Variants in PELI2 observed in about 807,000 individuals in gnomAD.
PELI2 encodes pellino E3 ubiquitin protein ligase family member 2.
A neutral mutation model predicts 42.3 loss-of-function variants in PELI2; 23 were observed. The observed-to-expected ratio is 0.54, with a 90% confidence interval of 0.39 to 0.77. PELI2 has a LOEUF of 0.77. Ranked by LOEUF, PELI2 falls within the 30% of genes least tolerant of loss-of-function variation. The pLI is 0.00. For synonymous variants in PELI2, 245 were observed against 212.2 expected (o/e 1.15, Z -1.34); for missense variants, 463 against 553.2 (o/e 0.84, Z 1.64).
At chr14:56,183,122 G>C (rs889785685) in intron 2 of PELI2, among the ~76,000 whole-genome samples, 1 of 152,092 alleles carries the variant, frequency 6.6e-6, no homozygotes, top group Non-Finnish European at 1.5e-5. Context: ...ATACTTAGAA[G>C]TTCAATAATT....
chr14:56,210,023 A>T (rs1374264732), intron 2 of PELI2, among the ~76,000 whole-genome samples: 1 of 152,218 alleles, frequency 6.6e-6, no homozygotes, highest in African/African-American at 2.4e-5. Context: ...TGGGGAAATC[A>T]GGGAAATTTG....
chr14:56,160,959 G>A (rs1173817944), intron 1 of PELI2, among the ~76,000 whole-genome samples: 3 of 152,140 alleles, frequency 2.0e-5, no homozygotes, highest in African/African-American at 7.2e-5. Flanking sequence ...CACAAATGTG[G>A]TGACTTTTAT....
chr14:56,197,886 A>C lies in PELI2; in HGVS notation c.207+19422A>C, dbSNP rs552203613. Among the ~76,000 whole-genome samples, 1 of 150,666 alleles carries C rather than the reference A, an allele frequency of 6.6e-6. No individual in the cohort carries two copies. Among genetic ancestry groups the C allele is most frequent in the African/African-American group, 2.5e-5 (1 of 40,682 alleles). On this transcript the variant is annotated intron_variant, in intron 2 of 5. Coordinates refer to ENST00000267460, the MANE Select transcript of PELI2 (RefSeq NM_021255.3). The surrounding 1 kb of genome is among the most constrained non-coding windows in gnomAD (Gnocchi z 4.9). Reference sequence around the variant, plus strand: ...CCTGTGCACACACACACACATGCAGACACACACACCAGGAATGGTGACTGG... The same window carrying C: ...CCTGTGCACACACACACACATGCAGCCACACACACCAGGAATGGTGACTGG...
chr14:56,208,337 A>T (rs1279333812), intron 2 of PELI2, among the ~76,000 whole-genome samples: 1 of 152,190 alleles, frequency 6.6e-6, no homozygotes, highest in African/African-American at 2.4e-5. Flanking sequence ...ATAAATTTGG[A>T]TGGAGGAGTG....
intron 1 of PELI2, among the ~76,000 whole-genome samples, chr14:56,166,476 A>G (rs562657530): frequency 6.6e-6 from 1 of 152,274 alleles, no homozygotes; most frequent in South Asian, 2.1e-4. Flanking sequence ...TTGTACCTTC[A>G]GGTGATTATC....
chr14:56,282,247 T>A (rs900415404), intron 3 of PELI2, among the ~76,000 whole-genome samples: 2 of 152,110 alleles, frequency 1.3e-5, no homozygotes, highest in Admixed American at 6.5e-5. Context: ...AGAAAAGCTG[T>A]ATATATAGCC....
chr14:56,138,264 T>C (rs1392971032), intron 1 of PELI2, among the ~76,000 whole-genome samples: 1 of 152,142 alleles, frequency 6.6e-6, no homozygotes, highest in Non-Finnish European at 1.5e-5. Flanking sequence ...TCTTTGAAAA[T>C]TGTACATGTA....
intron 4 of PELI2, 48 bp from the exon 5 acceptor site, chr14:56,290,220 T>C (rs1022322129): frequency 7.2e-7 from 1 of 1,397,102 alleles, no homozygotes; most frequent in Non-Finnish European, 9.6e-7. Flanking sequence ...CCTTTCCATT[T>C]CAACATCATC....
At chr14:56,229,106 G>T (rs1183820476) in intron 2 of PELI2, among the ~76,000 whole-genome samples, 2 of 152,210 alleles carry the variant, frequency 1.3e-5, no homozygotes, top group South Asian at 4.1e-4. Context: ...CAGGAAGCTC[G>T]AACTGGGAGG....
At chr14:56,123,304 CT>C (rs1883132060) in intron 1 of PELI2, among the ~76,000 whole-genome samples, 3 of 152,036 alleles carry the variant, frequency 2.0e-5, no homozygotes, top group Admixed American at 2.0e-4. Context: ...TACCCTAACA[CT>C]TTTCCTTTTC....
intron 5 of PELI2, chr14:56,292,923 A>G (rs998041800): frequency 1.7e-5 from 11 of 629,184 alleles, no homozygotes; most frequent in Non-Finnish European, 2.0e-5. Flanking sequence ...TAAATTATAT[A>G]TGAAGTATTT....
At chr14:56,184,891 C>T (rs774781757) in intron 2 of PELI2, among the ~76,000 whole-genome samples, 1 of 151,976 alleles carries the variant, frequency 6.6e-6, no homozygotes, top group Non-Finnish European at 1.5e-5. Flanking sequence ...AAAGATCATA[C>T]CAGTAATTTG....
At chr14:56,286,021 T>C (rs1889633766) in intron 3 of PELI2, among the ~76,000 whole-genome samples, 1 of 152,184 alleles carries the variant, frequency 6.6e-6, no homozygotes, top group Non-Finnish European at 1.5e-5. Context: ...AGATGATCAT[T>C]TCTCAAGTAC....
chr14:56,130,613 A>G (rs763365393), intron 1 of PELI2, among the ~76,000 whole-genome samples: 23 of 152,112 alleles, frequency 1.5e-4, no homozygotes, highest in Non-Finnish European at 3.1e-4. Flanking sequence ...CTTTGCCCAC[A>G]TAAGTATTGT....
chr14:56,274,102 T>G (rs1334422582), intron 2 of PELI2, among the ~76,000 whole-genome samples: 2 of 152,164 alleles, frequency 1.3e-5, no homozygotes, highest in African/African-American at 4.8e-5. Flanking sequence ...TGGCCGAAAG[T>G]GGATACATTT....
chr14:56,289,920 C>A (rs1889772226), intron 4 of PELI2, among the ~76,000 whole-genome samples: 1 of 152,126 alleles, frequency 6.6e-6, no homozygotes. Flanking sequence ...AGGAGCATGG[C>A]ATAAGTATAA....
chr14:56,245,576 G>C (rs1888122560), intron 2 of PELI2, among the ~76,000 whole-genome samples: 1 of 152,048 alleles, frequency 6.6e-6, no homozygotes, highest in Non-Finnish European at 1.5e-5. Context: ...ATTCTGGCCT[G>C]GTGTTTATGT....
intron 2 of PELI2, among the ~76,000 whole-genome samples, chr14:56,203,452 A>AGTGT (rs148938211): frequency 6.6e-6 from 1 of 151,336 alleles, no homozygotes; most frequent in African/African-American, 2.4e-5. Flanking sequence ...CACACATACT[A>AGTGT]GTGTGTGTGT....
chr14:56,242,615 C>G (rs1888014525), intron 2 of PELI2, among the ~76,000 whole-genome samples: 1 of 152,126 alleles, frequency 6.6e-6, no homozygotes, highest in East Asian at 1.9e-4. Flanking sequence ...GTCCATCAGT[C>G]AGTGAGTGGA....
Sources: gnomAD v4.1 joint callset for allele counts (sites outside exome capture counted in the v4.1 genomes callset) on GRCh38, gnomAD v4.1.1 for gene constraint, Gnocchi (gnomAD v3.1) non-coding constraint, MANE v1.5 for transcripts, NCBI Gene and HGNC (gene_info 2026-07-23, HGNC 2026-07-21) for gene names.